The following CLVS2 variants were observed in gnomAD, a reference collection of about 807,000 sequenced individuals.
CLVS2 encodes the protein clavesin 2.
In CLVS2, 19 loss-of-function variants were observed where a neutral mutation model predicts 29.0. The observed-to-expected ratio is 0.66, with a 90% CI of 0.46 to 0.96. The LOEUF (loss-of-function observed/expected upper bound fraction) is 0.96, where lower values mean the gene tolerates loss of function less well. CLVS2 is among the 40% of genes least tolerant of loss of function. The pLI is 0.00. For synonymous variants in CLVS2, 161 were observed against 151.3 expected, an observed-to-expected ratio of 1.06 and a Z score of -0.47; for missense variants, 294 against 404.1, an observed-to-expected ratio of 0.73 and a Z score of 2.34.
intron 3 of CLVS2, among the ~76,000 whole-genome samples, chr6:123,012,065 C>T (rs924454884): frequency 1.3e-5 from 2 of 151,890 alleles, no homozygotes; most frequent in African/African-American, 2.4e-5. Flanking sequence ...TGGAAATCTT[C>T]GATTTCTGCC....
At chr6:123,017,275 A>G (rs1157664438) in intron 3 of CLVS2, among the ~76,000 whole-genome samples, 4 of 152,128 alleles carry the variant, frequency 2.6e-5, no homozygotes, top group Admixed American at 6.6e-5. Flanking sequence ...GCTTTAGACA[A>G]TAGCAGAAAC....
chr6:123,002,143 C>T (rs370362187), intron 2 of CLVS2, among the ~76,000 whole-genome samples: 1 of 152,092 alleles, frequency 6.6e-6, no homozygotes, highest in Non-Finnish European at 1.5e-5. Flanking sequence ...AATGGCCATT[C>T]GAAAACAAAC....
In CLVS2 at chr6:122,997,783, T is replaced by C. The variant is rs768152208; in HGVS notation, c.6T>C (p.Thr2=). Residue 2 remains threonine, a synonymous_variant, in exon 2 of 6, where the codon ACT becomes ACC. Coordinates refer to ENST00000275162, the MANE Select transcript of CLVS2 (RefSeq NM_001010852.4). M[T]HLQAGLSPET... ...GCTCAGAGATAGGCAGAACAATGAC[T>C]CATTTGCAAGCCGGTCTCTCCCCTG... The C allele has an allele frequency of 1.9e-6, 3 of 1,613,430 alleles. No individual in the cohort carries two copies. Among genetic ancestry groups the C allele is most frequent in the Non-Finnish European group, 2.5e-6 (3 of 1,179,904 alleles).
intron 4 of CLVS2, among the ~76,000 whole-genome samples, chr6:123,055,573 C>G (rs1463003477): frequency 1.3e-5 from 2 of 152,188 alleles, no homozygotes; most frequent in Admixed American, 1.3e-4. Context: ...CAATAACTCT[C>G]TGACCTTCCA....
At chr6:123,006,604 A>G (rs1429291073) in intron 2 of CLVS2, among the ~76,000 whole-genome samples, 1 of 152,206 alleles carries the variant, frequency 6.6e-6, no homozygotes, top group Non-Finnish European at 1.5e-5. Flanking sequence ...ATAAATGTAG[A>G]GGGAGAAGGA....
chr6:123,053,440 A>G (rs1772644987), intron 4 of CLVS2, among the ~76,000 whole-genome samples: 1 of 152,194 alleles, frequency 6.6e-6, no homozygotes, highest in Non-Finnish European at 1.5e-5. Flanking sequence ...TCAGAAATGC[A>G]TGAAGAAAAT....
intron 3 of CLVS2, among the ~76,000 whole-genome samples, chr6:123,024,012 CT>C (rs955275687): frequency 4.4e-4 from 67 of 152,146 alleles, no homozygotes; most frequent in African/African-American, 1.5e-3. Context: ...TGTAAGTAAA[CT>C]TATGTAACAA....
Position 123,034,821 on chromosome 6 carries a change from C to T in CLVS2, c.565-13801C>T, listed in dbSNP as rs190018341. ...TTCTAGTAATTTCACTGGGAGAAGC[C>T]GGGCAAGGGGTGCATGGGACCACAC... On this transcript the variant is annotated intron_variant, in intron 3 of 5. Coordinates refer to ENST00000275162, the MANE Select transcript of CLVS2 (RefSeq NM_001010852.4). Among the ~76,000 whole-genome samples, 21 of 152,036 alleles carry T rather than the reference C, an allele frequency of 1.4e-4. 1 individual carries two copies. The East Asian group carries it at 3.1e-3, about 22-fold the overall frequency.
At chr6:123,023,750 T>A (rs1774957056) in intron 3 of CLVS2, among the ~76,000 whole-genome samples, 1 of 152,116 alleles carries the variant, frequency 6.6e-6, no homozygotes, top group African/African-American at 2.4e-5. Flanking sequence ...CTAGGATAGG[T>A]TAGACTTTAG....
intron 3 of CLVS2, among the ~76,000 whole-genome samples, chr6:123,012,108 C>G (rs1045393550): frequency 3.3e-5 from 5 of 151,918 alleles, no homozygotes; most frequent in Non-Finnish European, 7.4e-5. Flanking sequence ...GATGTTTCTT[C>G]TCCATATAGG....
intron 3 of CLVS2, among the ~76,000 whole-genome samples, chr6:123,013,455 G>A (rs1350414233): frequency 2.0e-5 from 3 of 151,320 alleles, no homozygotes; most frequent in Non-Finnish European, 4.4e-5. Flanking sequence ...CCTTTATTTA[G>A]AAAAACATAA....
intron 3 of CLVS2, among the ~76,000 whole-genome samples, chr6:123,022,661 A>T (rs1774940616): frequency 6.6e-6 from 1 of 152,022 alleles, no homozygotes; most frequent in South Asian, 2.1e-4. Flanking sequence ...ATTCTAATGG[A>T]TGTACTTATA....
chr6:123,053,677 A>G (rs1463838089), intron 4 of CLVS2, among the ~76,000 whole-genome samples: 1 of 152,108 alleles, frequency 6.6e-6, no homozygotes, highest in Non-Finnish European at 1.5e-5. Flanking sequence ...CTATAAAGAG[A>G]AGGAGAGAAA....
chr6:123,027,336 G>T (rs915984896), intron 3 of CLVS2, among the ~76,000 whole-genome samples: 1 of 152,152 alleles, frequency 6.6e-6, no homozygotes, highest in Non-Finnish European at 1.5e-5. Flanking sequence ...AAAGAGAAAA[G>T]TTCAAGGAGT....
At chr6:123,029,255 T>C (rs1403363539) in intron 3 of CLVS2, among the ~76,000 whole-genome samples, 2 of 152,220 alleles carry the variant, frequency 1.3e-5, no homozygotes, top group African/African-American at 2.4e-5. Context: ...GTGGTACACA[T>C]TTCCCACTAT....
At chr6:123,023,997 G>A (rs1774961916) in intron 3 of CLVS2, among the ~76,000 whole-genome samples, 1 of 152,108 alleles carries the variant, frequency 6.6e-6, no homozygotes, top group Non-Finnish European at 1.5e-5. Flanking sequence ...TGCTCAAGAA[G>A]AGAATGTAAG....
chr6:123,048,025 A>G (rs1772542237), intron 3 of CLVS2, among the ~76,000 whole-genome samples: 1 of 152,118 alleles, frequency 6.6e-6, no homozygotes. Flanking sequence ...AGCAAAATAC[A>G]TCCTTAAGTT....
intron 3 of CLVS2, among the ~76,000 whole-genome samples, chr6:123,045,021 A>G (rs1772464253): frequency 6.6e-6 from 1 of 152,186 alleles, no homozygotes; most frequent in African/African-American, 2.4e-5. Flanking sequence ...GTGAGTGATC[A>G]GTAATCCTAT....
At chr6:123,002,847 A>G (rs1490224615) in intron 2 of CLVS2, among the ~76,000 whole-genome samples, 1 of 152,162 alleles carries the variant, frequency 6.6e-6, no homozygotes, top group East Asian at 1.9e-4. Flanking sequence ...TTTCGTAAAA[A>G]TTCTGGAGGC....
Sources: allele counts gnomAD v4.1 joint callset (sites outside exome capture counted in the v4.1 genomes callset), GRCh38; gene constraint gnomAD v4.1.1; transcripts MANE v1.5; gene names NCBI Gene and HGNC (gene_info 2026-07-23, HGNC 2026-07-21).